Variants in CLUAP1 observed in about 807,000 individuals in gnomAD.
The protein encoded by CLUAP1 is intraflagellar transport 38, also known as clusterin-associated protein 1.
CLUAP1 carries 50 observed loss-of-function variants against 55.0 expected under a neutral mutation model. That is an observed-to-expected ratio of 0.91 (90% CI 0.72 to 1.15). The LOEUF (loss-of-function observed/expected upper bound fraction) is 1.15. Ranked by LOEUF, CLUAP1 falls within the 50% of genes most tolerant of loss-of-function variation. The pLI, the probability that CLUAP1 is intolerant of heterozygous loss-of-function variation, is 0.00. For missense variants in CLUAP1, 530 were observed against 507.6 expected, an observed-to-expected ratio of 1.04 and a Z score of -0.42; for synonymous variants, 195 against 175.4, an observed-to-expected ratio of 1.11 and a Z score of -0.88.
intron 6 of CLUAP1, among the ~76,000 whole-genome samples, chr16:3,517,193 C>T (rs1197808850): frequency 2.0e-5 from 3 of 151,132 alleles, no homozygotes; most frequent in East Asian, 1.9e-4. Flanking sequence ...GGCACAACCT[C>T]GGCTCATTGC....
chr16:3,500,000 A>G (rs1271614254), upstream of CLUAP1, among the ~76,000 whole-genome samples: 1 of 152,250 alleles, frequency 6.6e-6, no homozygotes, highest in Non-Finnish European at 1.5e-5. Flanking sequence ...AAATAACCTG[A>G]TGCCAACCAA....
At chr16:3,500,937 C>A (rs546170142), upstream of CLUAP1, 8 of 1,002,628 alleles carry the variant, frequency 8.0e-6, no homozygotes, top group South Asian at 4.3e-5. Flanking sequence ...GTCTTCGCTT[C>A]GCTTTTTGTT....
intron 11 of CLUAP1, chr16:3,535,438 G>A (rs1011792777): frequency 1.3e-5 from 2 of 152,370 alleles, no homozygotes; most frequent in African/African-American, 4.8e-5. Context: ...GATCTAGATA[G>A]AACGACCAGC....
chr16:3,504,662 T>C (rs981437408), intron 1 of CLUAP1, 58 bp from the exon 2 acceptor site: 1 of 944,584 alleles, frequency 1.1e-6, no homozygotes, highest in Non-Finnish European at 1.8e-6. Context: ...AATATCTAAG[T>C]TAATAAGTAG....
intron 8 of CLUAP1, among the ~76,000 whole-genome samples, chr16:3,525,080 T>C (rs1360171954): frequency 6.6e-6 from 1 of 152,232 alleles, no homozygotes; most frequent in East Asian, 1.9e-4. Flanking sequence ...CGCATCCGTG[T>C]GGACACATGT....
chr16:3,529,697 TA>T (rs2038055106), intron 9 of CLUAP1, among the ~76,000 whole-genome samples: 2 of 20,590 alleles, frequency 9.7e-5, no homozygotes, highest in African/African-American at 3.1e-4. Flanking sequence ...TTATATATTA[TA>T]TATTATATAT....
chr16:3,515,741 C>T (rs2037718250), intron 6 of CLUAP1, 150 bp downstream of exon 6: 1 of 467,778 alleles, frequency 2.1e-6, no homozygotes, highest in Non-Finnish European at 3.7e-6. Flanking sequence ...TTCGAGCTTA[C>T]CTAGGTCACT....
At chr16:3,496,647 T>G, upstream of CLUAP1, 1 of 533,354 alleles carries the variant, frequency 1.9e-6, no homozygotes, top group Non-Finnish European at 3.7e-6. Flanking sequence ...GGCCGACAGG[T>G]GTACCGGCAT....
upstream of CLUAP1, chr16:3,496,109 C>A (rs555362989): frequency 5.4e-6 from 2 of 369,410 alleles, no homozygotes; most frequent in Admixed American, 3.7e-5. Context: ...CCACTGCACT[C>A]CAGCCTGGGC....
chr16:3,529,806 AT>A (rs2038071329), intron 9 of CLUAP1, among the ~76,000 whole-genome samples: 1 of 27,324 alleles, frequency 3.7e-5, no homozygotes, highest in African/African-American at 1.9e-4. Flanking sequence ...ATATTATTAT[AT>A]ATATATTATA....
At chr16:3,506,307 C>G in intron 2 of CLUAP1, 24 bp from the exon 3 acceptor site, 1 of 1,594,500 alleles carries the variant, frequency 6.3e-7, no homozygotes, top group Non-Finnish European at 8.6e-7. Context: ...AACCCGTGCT[C>G]TCTCCTCTTA....
At chr16:3,519,236 C>T (rs566561251) in intron 6 of CLUAP1, among the ~76,000 whole-genome samples, 16 of 152,360 alleles carry the variant, frequency 1.1e-4, no homozygotes, top group African/African-American at 2.6e-4. Context: ...GCCTCTGTTG[C>T]CCAAGGGCCT....
upstream of CLUAP1, chr16:3,500,820 A>T: frequency 1.8e-6 from 1 of 556,890 alleles, no homozygotes; most frequent in East Asian, 3.0e-5. Context: ...GAAGCTGGGA[A>T]GCTTGCAGCC....
intron 11 of CLUAP1, chr16:3,533,216 C>T: frequency 7.5e-7 from 1 of 1,340,650 alleles, no homozygotes; most frequent in Non-Finnish European, 1.0e-6. Flanking sequence ...CGGGGCCAGC[C>T]AGGGGCCTCT....
upstream of CLUAP1, among the ~76,000 whole-genome samples, chr16:3,499,338 T>A (rs936203796): frequency 1.3e-5 from 2 of 151,934 alleles, no homozygotes; most frequent in Non-Finnish European, 2.9e-5. Context: ...AGAGCAAGAG[T>A]CCATCTCAAA....
intron 8 of CLUAP1, among the ~76,000 whole-genome samples, chr16:3,523,746 C>G (rs542677196): frequency 4.6e-5 from 7 of 152,194 alleles, no homozygotes; most frequent in Non-Finnish European, 1.0e-4. Context: ...GAGCGGATCA[C>G]TTGAGGTCAG....
chr16:3,529,574 ATTATATAATATTATATATTATTAT>A (rs2038034468), intron 9 of CLUAP1, among the ~76,000 whole-genome samples: 16 of 46,122 alleles, frequency 3.5e-4, no homozygotes, highest in Admixed American at 4.2e-4. Flanking sequence ...TATATTATAT[ATTATATAATATTATATATTATTAT>A]ATATTATATA....
In CLUAP1 at chr16:3,501,045, G is replaced by C. The variant is rs1323950796; in HGVS notation, c.-23G>C. ...CTGAGGGGCGAGCAGTTGCGACCCTGGGCTCCTGGGGACCTGAGCGTTATG... is the reference window on the plus strand; with the variant it reads ...CTGAGGGGCGAGCAGTTGCGACCCTCGGCTCCTGGGGACCTGAGCGTTATG... On this transcript the variant is annotated 5_prime_UTR_variant, in exon 1 of 12. Coordinates refer to ENST00000576634, the MANE Select transcript of CLUAP1 (RefSeq NM_015041.3). 6.3e-7 allele frequency: 1 copy of C among 1,597,986 alleles called. No homozygotes were observed. Among genetic ancestry groups the C allele is most frequent in the African/African-American group, 1.3e-5 (1 of 74,810 alleles).
Position 3,536,460 on chromosome 16 carries a change from C to A in CLUAP1, c.*189C>A. 1 of 550,660 alleles carries A rather than the reference C, an allele frequency of 1.8e-6. No individual in the cohort carries two copies. The allele number at this position is 550,660 out of a possible 1,614,324, so 34.1% of individuals were successfully genotyped here. On this transcript the variant is annotated 3_prime_UTR_variant, in exon 12 of 12. Coordinates refer to ENST00000576634, the MANE Select transcript of CLUAP1 (RefSeq NM_015041.3). Reference sequence around the variant, plus strand: ...CATGAAGCTTAAATAAGAATTGAAGCAAATCCCTAAGATTTATTTTTTTCC... The same window carrying A: ...CATGAAGCTTAAATAAGAATTGAAGAAAATCCCTAAGATTTATTTTTTTCC...
Sources: gnomAD v4.1 joint callset for allele counts (sites outside exome capture counted in the v4.1 genomes callset) on GRCh38, gnomAD v4.1.1 for gene constraint, MANE v1.5 for transcripts, NCBI Gene and HGNC (gene_info 2026-07-23, HGNC 2026-07-21) for gene names.